The following PPP2R5B variants were observed in gnomAD, a reference collection of about 807,000 sequenced individuals.
PPP2R5B encodes the protein protein phosphatase 2 regulatory subunit B'beta.
PPP2R5B carries 19 observed loss-of-function variants against 59.9 expected under a neutral mutation model. That is an observed-to-expected ratio of 0.32 (90% CI 0.22 to 0.47). The LOEUF is 0.47. Ranked by LOEUF, PPP2R5B falls within the 20% of genes least tolerant of loss-of-function variation. The probability of loss-of-function intolerance (pLI) is 1.00; values close to 1 mark genes in which losing one functional copy is unlikely to be tolerated. For missense variants in PPP2R5B, 441 were observed against 640.2 expected (o/e 0.69, Z 3.36); for synonymous variants, 286 against 260.5 (o/e 1.10, Z -0.94).
At chr11:64,933,301 C>A in intron 13 of PPP2R5B, 55 bp downstream of exon 13, 5 of 1,453,802 alleles carry the variant, frequency 3.4e-6, no homozygotes, top group South Asian at 1.1e-5. Flanking sequence ...AGGAGTCAGA[C>A]CCCCATGGCT....
Position 64,925,521 on chromosome 11 carries a change from T to C in PPP2R5B, c.-214T>C. On this transcript the variant is annotated 5_prime_UTR_variant, in exon 2 of 14. Coordinates refer to ENST00000164133, the MANE Select transcript of PPP2R5B (RefSeq NM_006244.4). The surrounding 1 kb of genome is among the most constrained non-coding windows in gnomAD (Gnocchi z 4.6). Reference sequence around the variant, plus strand: ...CTCTTCGGGACCCCCAGGAAGGATCTGAGGCCTGAGCCATCCTCCTTTCTA... The same window carrying C: ...CTCTTCGGGACCCCCAGGAAGGATCCGAGGCCTGAGCCATCCTCCTTTCTA... The C allele has an allele frequency of 1.9e-6, 1 of 535,674 alleles. No homozygotes were observed. Among genetic ancestry groups the C allele is most frequent in the Admixed American group, 3.5e-5 (1 of 28,690 alleles). The allele number at this position is 535,674 out of a possible 1,614,324, so 33.2% of individuals were successfully genotyped here. A position where few individuals can be genotyped will look rare whatever the true frequency, so the allele number is the denominator to read the frequency against.
In PPP2R5B at chr11:64,934,389, G is replaced by C; in HGVS notation, c.*545G>C. Reference sequence around the variant, plus strand: ...GCACAGGCAAGAAGAGATTCACAGTGTCCTGGGGTAAGGGGGGGTTCACAG... The same window carrying C: ...GCACAGGCAAGAAGAGATTCACAGTCTCCTGGGGTAAGGGGGGGTTCACAG... On this transcript the variant is annotated 3_prime_UTR_variant, in exon 14 of 14. Transcript: ENST00000164133. The C allele has an allele frequency of 2.9e-6, 1 of 343,592 alleles. No individual in the cohort carries two copies. The highest frequency in any genetic ancestry group is 2.9e-5 in the South Asian group (1 of 35,020). 21.3% of individuals were successfully genotyped at this position (343,592 alleles called of 1,614,324 possible). A position where few individuals can be genotyped will look rare whatever the true frequency, so the allele number is the denominator to read the frequency against.
upstream of PPP2R5B, among the ~76,000 whole-genome samples, chr11:64,923,964 G>C (rs1472924812): frequency 6.6e-6 from 1 of 152,182 alleles, no homozygotes; most frequent in African/African-American, 2.4e-5. Context: ...TTGAGCAAGA[G>C]ACACTGACCC....
At chr11:64,921,294 A>C (rs1418975663), upstream of PPP2R5B, among the ~76,000 whole-genome samples, 1 of 149,862 alleles carries the variant, frequency 6.7e-6, no homozygotes, top group East Asian at 2.0e-4. Flanking sequence ...GGCCCTGGGC[A>C]CTGCATTTAG....
intron 6 of PPP2R5B, among the ~76,000 whole-genome samples, chr11:64,929,223 C>T (rs1945203437): frequency 6.6e-6 from 1 of 152,142 alleles, no homozygotes; most frequent in Admixed American, 6.5e-5. Context: ...TCATTTGACC[C>T]TTATCATGCC....
At chr11:64,930,243 G>A in intron 6 of PPP2R5B, 79 bp from the exon 7 acceptor site, 1 of 1,483,392 alleles carries the variant, frequency 6.7e-7, no homozygotes, top group Non-Finnish European at 9.4e-7. Context: ...GTGCAGGTGA[G>A]GGTGGGCAGG....
Position 64,934,174 on chromosome 11 carries a change from T to C in PPP2R5B, c.*330T>C. Reference sequence around the variant, plus strand: ...TGCTCCTGGCCTTGGGCAAGGGCACTCAGCGCCTCGCCTGCCCCTGCCTTG... The same window carrying C: ...TGCTCCTGGCCTTGGGCAAGGGCACCCAGCGCCTCGCCTGCCCCTGCCTTG... On this transcript the variant is annotated 3_prime_UTR_variant, in exon 14 of 14. Coordinates refer to ENST00000164133, the MANE Select transcript of PPP2R5B (RefSeq NM_006244.4). 3.3e-6 allele frequency: 1 copy of C among 301,732 alleles called. No homozygotes were observed. The highest frequency in any genetic ancestry group is 6.1e-6 in the Non-Finnish European group (1 of 163,836). 18.7% of individuals were successfully genotyped at this position (301,732 alleles called of 1,614,324 possible). A position where few individuals can be genotyped will look rare whatever the true frequency, so the allele number is the denominator to read the frequency against.
intron 8 of PPP2R5B, 93 bp downstream of exon 8, chr11:64,930,682 C>A: frequency 9.5e-7 from 1 of 1,054,716 alleles, no homozygotes; most frequent in Non-Finnish European, 1.5e-6. Context: ...GGGATCCTAT[C>A]TCACCTTCTT....
chr11:64,930,706 C>G (rs571637652), intron 8 of PPP2R5B, 117 bp downstream of exon 8: 1 of 857,246 alleles, frequency 1.2e-6, no homozygotes, highest in Non-Finnish European at 1.8e-6. Flanking sequence ...CTTTATAATT[C>G]TGTTCCATCT....
At chr11:64,927,984 A>G in intron 4 of PPP2R5B, 81 bp downstream of exon 4, 1 of 1,566,354 alleles carries the variant, frequency 6.4e-7, no homozygotes, top group African/African-American at 1.4e-5. Context: ...TAGCCCCTAG[A>G]CAGTTGGATG....
intron 8 of PPP2R5B, 35 bp downstream of exon 8, chr11:64,930,624 C>T: frequency 1.3e-6 from 2 of 1,576,462 alleles, no homozygotes; most frequent in Non-Finnish European, 1.7e-6. Flanking sequence ...GCAGCAGGAG[C>T]TCCAGACAGT....
At chr11:64,932,370 A>G (rs1945235816) in intron 11 of PPP2R5B, among the ~76,000 whole-genome samples, 1 of 152,234 alleles carries the variant, frequency 6.6e-6, no homozygotes, top group Non-Finnish European at 1.5e-5. Flanking sequence ...ACCCAGTGGA[A>G]GTCAAGTCTT....
At position 64,925,862 on chromosome 11, in the gene PPP2R5B, G is replaced by C; in HGVS notation, c.128G>C (p.Arg43Pro). The change falls in exon 2 of 14, where the codon CGC becomes CCC. Residue 43 changes from arginine to proline, a missense_variant. Transcript: ENST00000164133. The surrounding 1 kb of genome is among the most constrained non-coding windows in gnomAD (Gnocchi z 4.6). ...TCCCTCCGCAGAGCCCGGCCCCGCC[G>C]CTCCCACAGCTCCTCTCAGTTCCGC... ...RRSLRRARPR[R>P]SHSSSQFRYQ... 6.2e-7 allele frequency: 1 copy of C among 1,607,538 alleles called. No individual in the cohort carries two copies. Among genetic ancestry groups the C allele is most frequent in the Admixed American group, 1.7e-5 (1 of 59,750 alleles).
rs377604396 is a variant in PPP2R5B, at chr11:64,933,266, C to T, written c.1346+20C>T. ...GCAGCAGTGAGTGTTGGGGGCTGGG[C>T]GTGGGGGAAGGGAGAAGAGCAGGGA... On this transcript the variant is annotated intron_variant, in intron 13 of 13. Coordinates refer to ENST00000164133, the MANE Select transcript of PPP2R5B (RefSeq NM_006244.4). 24 of 1,573,238 alleles carry T rather than the reference C, an allele frequency of 1.5e-5. No homozygotes were observed. Among genetic ancestry groups the T allele is most frequent in the South Asian group, 6.7e-5 (6 of 90,202 alleles).
chr11:64,918,931 T>C (rs1383710849), intron 1 of PPP2R5B, among the ~76,000 whole-genome samples: 1 of 152,158 alleles, frequency 6.6e-6, no homozygotes, highest in Non-Finnish European at 1.5e-5. Context: ...CTTCTCCTCT[T>C]GTGACCCTCA....
In PPP2R5B at chr11:64,926,878, C is replaced by T. The variant is rs754023819; in HGVS notation, c.366C>T (p.Ile122=). 3.4e-5 allele frequency: 55 copies of T among 1,614,030 alleles called. No homozygotes were observed. The highest frequency in any genetic ancestry group is 7.7e-5 in the South Asian group (7 of 91,088). ...ECVGSTRGVL[I]EPVYPDIIRM... is the part of the protein sequence containing the mutation. ...TGGGGAGCACCCGGGGTGTCCTCAT[C>T]GAGCCCGTCTACCCAGACATCATCC... The change falls in exon 3 of 14, where the codon ATC becomes ATT. Residue 122 remains isoleucine (I), a synonymous_variant. Transcript: ENST00000164133.
intron 6 of PPP2R5B, among the ~76,000 whole-genome samples, 159 bp from the exon 7 acceptor site, chr11:64,930,163 T>C (rs1453935704): frequency 6.7e-6 from 1 of 150,354 alleles, no homozygotes; most frequent in Non-Finnish European, 1.5e-5. Context: ...GGGATCTCAA[T>C]GGGGCCTGGT....
In PPP2R5B at chr11:64,918,721, C is replaced by T. The variant is rs182029955; in HGVS notation, c.-265+1081C>T. Among the ~76,000 whole-genome samples the T allele has an allele frequency of 2.9e-4, 44 of 152,322 alleles. 1 individual carries two copies. The East Asian group carries it at 6.9e-3, about 24-fold the overall frequency. On this transcript the variant is annotated intron_variant, in intron 1 of 4. Coordinates refer to the PPP2R5B transcript ENST00000526559. ...GTGGTGCAGTCTCCTCTCACGCAAC[C>T]TCTGGCTCCTGGGTTCAAGGAATTC... is the stretch of plus-strand genomic sequence containing the variant.
chr11:64,920,943 C>CTATATATATATA (rs59230229), upstream of PPP2R5B, among the ~76,000 whole-genome samples: 8,128 of 134,618 alleles, frequency 0.06, 351 homozygotes, highest in South Asian at 0.23. Flanking sequence ...TCCAGCAGTT[C>CTATATATATATA]TATATATATA....
Sources: allele counts gnomAD v4.1 joint callset (sites outside exome capture counted in the v4.1 genomes callset), GRCh38; gene constraint gnomAD v4.1.1; non-coding constraint Gnocchi (gnomAD v3.1); transcripts MANE v1.5; gene names NCBI Gene and HGNC (gene_info 2026-07-23, HGNC 2026-07-21).